The following GPATCH2L variants were observed in gnomAD, a reference collection of about 807,000 sequenced individuals.
The protein encoded by GPATCH2L is G-patch domain containing 2 like, also known as G patch domain-containing protein 2-like.
A neutral mutation model predicts 57.4 loss-of-function variants in GPATCH2L; 31 were observed. The ratio of observed to expected loss-of-function variants is 0.54; its 90% confidence interval spans 0.41 to 0.73. The LOEUF (loss-of-function observed/expected upper bound fraction) is 0.73. Among genes scored for constraint, GPATCH2L ranks in the 30% least tolerant of loss-of-function variants. GPATCH2L has a pLI of 0.00. For missense variants in GPATCH2L, 481 were observed against 599.9 expected (o/e 0.80, Z 2.07); for synonymous variants, 199 against 210.7 (o/e 0.94, Z 0.48).
intron 1 of GPATCH2L, among the ~76,000 whole-genome samples, chr14:76,219,490 T>C (rs948525225): frequency 1.4e-4 from 22 of 152,208 alleles, no homozygotes; most frequent in Non-Finnish European, 2.9e-5. Context: ...CAGTATCTTA[T>C]TAAAATTACA....
downstream of GPATCH2L, among the ~76,000 whole-genome samples, chr14:76,217,214 T>C (rs2040493723): frequency 6.6e-6 from 1 of 152,192 alleles, no homozygotes; most frequent in East Asian, 1.9e-4. Context: ...GTGTTTTGTT[T>C]TGTTTTTTCT....
At chr14:76,215,798 G>A (rs1198450325), downstream of GPATCH2L, among the ~76,000 whole-genome samples, 1 of 150,120 alleles carries the variant, frequency 6.7e-6, no homozygotes, top group Non-Finnish European at 1.5e-5. Flanking sequence ...GATGGCATCG[G>A]GAGATATACC....
chr14:76,154,602 C>T lies in GPATCH2L; in HGVS notation c.239C>T (p.Ala80Val). The change falls in exon 2 of 10, where the codon GCT becomes GTT. Residue 80 changes from alanine to valine, a missense_variant. Coordinates refer to ENST00000261530, the MANE Select transcript of GPATCH2L (RefSeq NM_017926.4). The surrounding 1 kb of genome is among the most constrained non-coding windows in gnomAD (Gnocchi z 4.4). ...GCCACTAAGGACTGTCGAGAAGTGG[C>T]TCCGGTGACCAATTTTAGTGACTCT... The part of the protein sequence containing the change: ...DEATKDCREV[A>V]PVTNFSDSDD... 6.2e-7 allele frequency: 1 copy of T among 1,614,236 alleles called. No individual in the cohort carries two copies. Among genetic ancestry groups the T allele is most frequent in the South Asian group, 1.1e-5 (1 of 91,082 alleles).
chr14:76,226,363 A>G (rs2040536453), intron 1 of GPATCH2L, among the ~76,000 whole-genome samples: 1 of 152,252 alleles, frequency 6.6e-6, no homozygotes, highest in African/African-American at 2.4e-5. Flanking sequence ...AATACATTGT[A>G]TGATTCCATT....
At chr14:76,173,672 C>G (rs774294010) in intron 5 of GPATCH2L, 47 bp downstream of exon 5, 2 of 1,143,214 alleles carry the variant, frequency 1.7e-6, no homozygotes, top group East Asian at 4.7e-5. Flanking sequence ...GATAATATTC[C>G]CTATGGGAGT....
At chr14:76,161,468 CTTA>C (rs1210657686) in intron 2 of GPATCH2L, among the ~76,000 whole-genome samples, 4 of 152,130 alleles carry the variant, frequency 2.6e-5, no homozygotes, top group Non-Finnish European at 5.9e-5. Context: ...TCTGTACCTC[CTTA>C]TTATAATTGG....
chr14:76,173,837 C>A (rs1488963073), intron 5 of GPATCH2L: 55 of 410,382 alleles, frequency 1.3e-4, no homozygotes, highest in Middle Eastern at 6.5e-4. Flanking sequence ...GAAGTACTGA[C>A]AAAAAAAAAA....
At chr14:76,166,844 T>C in intron 3 of GPATCH2L, 117 bp downstream of exon 3, 1 of 764,316 alleles carries the variant, frequency 1.3e-6, no homozygotes, top group Non-Finnish European at 2.3e-6. Context: ...TCTCAAACTT[T>C]AAGGCATATG....
chr14:76,230,277 TG>T (rs948494080), intron 2 of GPATCH2L: 5 of 152,360 alleles, frequency 3.3e-5, no homozygotes, highest in African/African-American at 1.2e-4. Context: ...AGCATGTGTG[TG>T]TTGTAAATGA....
chr14:76,208,075 T>G lies in GPATCH2L; in HGVS notation c.*6224T>G, dbSNP rs2040399074. 6.6e-6 allele frequency: 1 copy of G among 152,190 alleles called. No individual in the cohort carries two copies. Among genetic ancestry groups the G allele is most frequent in the Non-Finnish European group, 1.5e-5 (1 of 68,046 alleles). The allele number at this position is 152,190 out of a possible 1,614,324, so 9.4% of individuals were successfully genotyped here. A position where few individuals can be genotyped will look rare whatever the true frequency, so the allele number is the denominator to read the frequency against. On this transcript the variant is annotated 3_prime_UTR_variant, in exon 10 of 10. Coordinates refer to ENST00000261530, the MANE Select transcript of GPATCH2L (RefSeq NM_017926.4). ...CTTCTTTTCCATCTTGAAGACCAGT[T>G]AAAACTACCTCTGGCCAAAAATGTT...
At chr14:76,185,207 G>T (rs1230312158) in intron 8 of GPATCH2L, among the ~76,000 whole-genome samples, 1 of 152,050 alleles carries the variant, frequency 6.6e-6, no homozygotes. Flanking sequence ...CATAAACCAA[G>T]TGTTTTGGTT....
At chr14:76,182,787 G>A (rs1014311833) in intron 8 of GPATCH2L, among the ~76,000 whole-genome samples, 1 of 152,056 alleles carries the variant, frequency 6.6e-6, no homozygotes, top group African/African-American at 2.4e-5. Flanking sequence ...AGTCAGGTAT[G>A]GAAGTTGACA....
At chr14:76,227,851 G>A (rs1041195880) in intron 1 of GPATCH2L, among the ~76,000 whole-genome samples, 3 of 152,100 alleles carry the variant, frequency 2.0e-5, no homozygotes, top group East Asian at 1.9e-4. Flanking sequence ...GGAATCCTAC[G>A]TAGAATCAGA....
At chr14:76,195,241 C>T (rs1019555933) in intron 8 of GPATCH2L, among the ~76,000 whole-genome samples, 3 of 152,180 alleles carry the variant, frequency 2.0e-5, no homozygotes, top group South Asian at 2.1e-4. Context: ...TAGCATACCA[C>T]GTAGTTCAGT....
intron 8 of GPATCH2L, among the ~76,000 whole-genome samples, chr14:76,187,118 A>G (rs995896369): frequency 1.3e-5 from 2 of 151,184 alleles, no homozygotes; most frequent in East Asian, 1.9e-4. Context: ...TCCCCTCCTG[A>G]CTGCTTAATA....
rs759333343 is a variant in GPATCH2L at position 76,154,524 on chromosome 14, T to G, written c.161T>G (p.Leu54Arg). 1.9e-6 allele frequency: 3 copies of G among 1,614,232 alleles called. No homozygotes were observed. The Admixed American group carries it at 5.0e-5, about 27-fold the overall frequency. ...GRKRRSDFTH[L>R]AEHTCCYSEA... is the part of the protein sequence containing the mutation. ...AAGCGTCGTTCTGACTTCACTCACC[T>G]GGCAGAGCATACCTGCTGCTACAGC... The change falls in exon 2 of 10, where the codon CTG becomes CGG. Residue 54 changes from leucine to arginine, a missense_variant. Leu to Arg is a moderately radical substitution (Grantham distance 102, BLOSUM62 -2). Coordinates refer to ENST00000261530, the MANE Select transcript of GPATCH2L (RefSeq NM_017926.4). The surrounding 1 kb of genome is among the most constrained non-coding windows in gnomAD (Gnocchi z 4.4).
intron 3 of GPATCH2L, 151 bp from the exon 4 acceptor site, chr14:76,171,692 C>G: frequency 1.9e-6 from 1 of 539,502 alleles, no homozygotes; most frequent in Non-Finnish European, 3.2e-6. Flanking sequence ...CACTGCATTC[C>G]AGCCTGGGTG....
In GPATCH2L at chr14:76,213,023, A is replaced by G. The variant is rs1019606755; in HGVS notation, c.*11172A>G. On this transcript the variant is annotated 3_prime_UTR_variant, in exon 10 of 10. Transcript: ENST00000261530. The stretch of plus-strand genomic sequence containing the variant: ...GCTCAGAGGAAAATTCATTGCCCTA[A>G]AATTTATGTATTAAAAAATAAGATA... 6.6e-6 allele frequency: 1 copy of G among 152,186 alleles called. No individual in the cohort carries two copies. Among genetic ancestry groups the G allele is most frequent in the Non-Finnish European group, 1.5e-5 (1 of 68,018 alleles). 9.4% of individuals were successfully genotyped at this position (152,186 alleles called of 1,614,324 possible).
chr14:76,216,824 A>G (rs1198473941), downstream of GPATCH2L, among the ~76,000 whole-genome samples: 2 of 152,178 alleles, frequency 1.3e-5, no homozygotes, highest in African/African-American at 2.4e-5. Context: ...GTATAGGTGC[A>G]TGCATAGATT....
Sources: gnomAD v4.1 joint callset for allele counts (sites outside exome capture counted in the v4.1 genomes callset) on GRCh38, gnomAD v4.1.1 for gene constraint, Gnocchi (gnomAD v3.1) non-coding constraint, MANE v1.5 for transcripts, NCBI Gene and HGNC (gene_info 2026-07-23, HGNC 2026-07-21) for gene names.